CERT1: variants seen among roughly 807,000 people sequenced by gnomAD.
CERT1 encodes ceramide transfer protein.
Under a neutral mutation model 87.9 loss-of-function variants are expected in CERT1, and 31 were observed. The ratio of observed to expected loss-of-function variants is 0.35; its 90% CI spans 0.27 to 0.48. The LOEUF is 0.48. Ranked by LOEUF, CERT1 falls within the 20% of genes least tolerant of loss-of-function variation. CERT1 has a pLI of 0.99. For synonymous variants in CERT1, 289 were observed against 250.9 expected, an observed-to-expected ratio of 1.15 and a Z score of -1.44; for missense variants, 487 against 758.0, an observed-to-expected ratio of 0.64 and a Z score of 4.20.
chr5:75,370,289 G>C (rs1406494335), intron 17 of CERT1: 2 of 152,190 alleles, frequency 1.3e-5, no homozygotes, highest in African/African-American at 4.8e-5. Flanking sequence ...CACTGACTGA[G>C]TGAAATGGAA....
intron 7 of CERT1, 59 bp downstream of exon 7, chr5:75,416,817 C>A: frequency 1.4e-6 from 2 of 1,393,976 alleles, no homozygotes; most frequent in East Asian, 2.4e-5. Flanking sequence ...TTTAAATATT[C>A]AAACAATACG....
chr5:75,415,831 A>C (rs905808973), intron 7 of CERT1, among the ~76,000 whole-genome samples: 1 of 152,122 alleles, frequency 6.6e-6, no homozygotes, highest in African/African-American at 2.4e-5. Flanking sequence ...TATAGAGTTG[A>C]AATCTTTGAA....
chr5:75,424,937 A>G (rs1281003781), intron 5 of CERT1, among the ~76,000 whole-genome samples: 1 of 151,876 alleles, frequency 6.6e-6, no homozygotes, highest in Non-Finnish European at 1.5e-5. Context: ...ACATAGTGAG[A>G]CCCCCGTCTC....
At position 75,382,031 on chromosome 5, in the gene CERT1, A is replaced by G; in HGVS notation, c.1535T>C (p.Ile512Thr). The part of the protein sequence containing the change: ...SQRDVLYLSV[I>T]RKIPALTEND... Reference sequence around the variant, plus strand: ...TTCAGTCAAGGCTGGTATCTTTCGAATGACAGAAAGATATAATACGTCTCG... The same window carrying G: ...TTCAGTCAAGGCTGGTATCTTTCGAGTGACAGAAAGATATAATACGTCTCG... The change falls in exon 15 of 17, where the codon ATT becomes ACT. Residue 512 changes from isoleucine (I) to threonine (T), a missense_variant. Around this residue, in one of 8 missense-constraint regions of CERT1, gnomAD observed 147 missense variants for 200.8 expected, o/e 0.73. Coordinates refer to ENST00000643780, the MANE Select transcript of CERT1 (RefSeq NM_001379029.1). The G allele has an allele frequency of 6.2e-7, 1 of 1,613,698 alleles. No individual in the cohort carries two copies. Among genetic ancestry groups the G allele is most frequent in the Non-Finnish European group, 8.5e-7 (1 of 1,179,654 alleles).
Position 75,381,190 on chromosome 5 carries a change from T to A in CERT1, c.1629A>T (p.Arg543=). 1 of 1,614,158 alleles carries A rather than the reference T, an allele frequency of 6.2e-7. No individual in the cohort carries two copies. The highest frequency in any genetic ancestry group is 1.7e-5 in the Admixed American group (1 of 60,026). The change falls in exon 16 of 17, where the codon CGA becomes CGT. Residue 543 remains arginine (R), a synonymous_variant. Coordinates refer to ENST00000643780, the MANE Select transcript of CERT1 (RefSeq NM_001379029.1). ...VDHDSAPLNN[R]CVRAKINVAM... ...CAACATTTATTTTGGCACGGACACA[T>A]CGGTTGTTTAGCTGCCAAAACAAAA...
At chr5:75,485,902 C>A (rs1766499939) in intron 2 of CERT1, among the ~76,000 whole-genome samples, 2 of 152,086 alleles carry the variant, frequency 1.3e-5, no homozygotes, top group South Asian at 4.1e-4. Flanking sequence ...GACCCAGTGG[C>A]TTCACTGTTG....
intron 2 of CERT1, among the ~76,000 whole-genome samples, chr5:75,475,761 GAA>G (rs1165700762): frequency 6.6e-6 from 1 of 151,558 alleles, no homozygotes; most frequent in African/African-American, 2.4e-5. Context: ...TTCATATACA[GAA>G]CTTGCTTATG....
Position 75,379,489 on chromosome 5 carries a change from A to T in CERT1, c.1748-16T>A. 6.2e-7 allele frequency: 1 copy of T among 1,602,100 alleles called. No individual in the cohort carries two copies. The highest frequency in any genetic ancestry group is 8.5e-7 in the Non-Finnish European group (1 of 1,175,896). The stretch of plus-strand genomic sequence containing the variant: ...CCAGGGTTCACTGCAAGATAAAGGA[A>T]AATTAAAATGTATTAAGATACAATT... On this transcript the variant is annotated splice_polypyrimidine_tract_variant and intron_variant, in intron 16 of 16. Transcript: ENST00000643780.
intron 1 of CERT1, among the ~76,000 whole-genome samples, chr5:75,508,639 T>C (rs1767770866): frequency 6.6e-6 from 1 of 152,076 alleles, no homozygotes; most frequent in Non-Finnish European, 1.5e-5. Context: ...GAATCAAATA[T>C]TACTGTGGCC....
At chr5:75,381,336 A>C (rs1561220739) in intron 15 of CERT1, 135 bp from the exon 16 acceptor site, 1 of 974,276 alleles carries the variant, frequency 1.0e-6, no homozygotes. Flanking sequence ...CACCAAGCTG[A>C]TATGACACCA....
intron 2 of CERT1, among the ~76,000 whole-genome samples, chr5:75,500,692 T>C (rs969421068): frequency 6.6e-6 from 1 of 152,204 alleles, no homozygotes; most frequent in Admixed American, 6.5e-5. Flanking sequence ...TTTCCTTTAG[T>C]TCTCACTAAT....
chr5:75,421,903 T>C (rs1763394584), intron 5 of CERT1, among the ~76,000 whole-genome samples: 1 of 152,228 alleles, frequency 6.6e-6, no homozygotes, highest in African/African-American at 2.4e-5. Flanking sequence ...TTCTCACAAT[T>C]TAAAGGAGTT....
intron 16 of CERT1, among the ~76,000 whole-genome samples, chr5:75,380,448 A>C (rs1278961575): frequency 6.6e-6 from 1 of 152,158 alleles, no homozygotes; most frequent in African/African-American, 2.4e-5. Context: ...TATATTCCTA[A>C]TAATAAATCT....
chr5:75,511,823 T>G (rs760635757), upstream of CERT1: 5 of 1,550,960 alleles, frequency 3.2e-6, no homozygotes, highest in South Asian at 6.0e-5. Flanking sequence ...GAGGGCGGGG[T>G]AGGGATGCAG....
chr5:75,431,602 G>A (rs1310720796), intron 3 of CERT1, among the ~76,000 whole-genome samples: 2 of 152,136 alleles, frequency 1.3e-5, no homozygotes, highest in South Asian at 4.1e-4. Context: ...TATTAGATAA[G>A]CTCCATGATT....
intron 11 of CERT1, among the ~76,000 whole-genome samples, chr5:75,395,731 G>A (rs1391721397): frequency 1.3e-5 from 2 of 151,792 alleles, no homozygotes; most frequent in Non-Finnish European, 2.9e-5. Context: ...GTGTGATAGC[G>A]TGTGCCTGTA....
At chr5:75,501,114 T>C (rs890448622) in intron 2 of CERT1, among the ~76,000 whole-genome samples, 1 of 151,986 alleles carries the variant, frequency 6.6e-6, no homozygotes, top group African/African-American at 2.4e-5. Flanking sequence ...CCAAAGAAGC[T>C]GAGACTACAG....
At chr5:75,444,288 T>C (rs910573314) in intron 3 of CERT1, among the ~76,000 whole-genome samples, 1 of 152,048 alleles carries the variant, frequency 6.6e-6, no homozygotes, top group African/African-American at 2.4e-5. Flanking sequence ...ACTCCTGACC[T>C]TGTGATCCAC....
At chr5:75,380,080 G>A (rs186294177) in intron 16 of CERT1, among the ~76,000 whole-genome samples, 7 of 152,274 alleles carry the variant, frequency 4.6e-5, no homozygotes, top group Non-Finnish European at 2.9e-5. Flanking sequence ...TAATGAAATA[G>A]TAACTTACTC....
Sources: gnomAD v4.1 joint callset for allele counts (sites outside exome capture counted in the v4.1 genomes callset) on GRCh38, gnomAD v4.1.1 for gene constraint, gnomAD v4.1.1 regional missense constraint, MANE v1.5 for transcripts, NCBI Gene and HGNC (gene_info 2026-07-23, HGNC 2026-07-21) for gene names.